NUBP1: variants seen among roughly 807,000 people sequenced by gnomAD.
NUBP1 encodes NUBP iron-sulfur cluster assembly factor 1, cytosolic, also known as cytosolic Fe-S cluster assembly factor NUBP1.
In NUBP1, 46 loss-of-function variants were observed where a neutral mutation model predicts 41.8. The observed-to-expected ratio is 1.10, with a 90% confidence interval of 0.87 to 1.41. NUBP1 has a LOEUF of 1.41. Among genes scored for constraint, NUBP1 ranks in the 40% most tolerant of loss-of-function variants. NUBP1 has a pLI of 0.00. For synonymous variants in NUBP1, 189 were observed against 154.6 expected, an observed-to-expected ratio of 1.22 and a Z score of -1.65; for missense variants, 494 against 414.0, an observed-to-expected ratio of 1.19 and a Z score of -1.68.
rs925107834 is a variant in NUBP1, at chr16:10,759,418, C to T, written c.606+1391C>T. 6.6e-6 allele frequency among the ~76,000 whole-genome samples: 1 copy of T among 152,150 alleles called. No individual in the cohort carries two copies. Among genetic ancestry groups the T allele is most frequent in the Non-Finnish European group, 1.5e-5 (1 of 68,020 alleles). Reference sequence around the variant, plus strand: ...GGACAGGAGGGAGGATGGCCTGGCCCGGGTGATGGCAGTGGAGAGAAAGTG... The same window carrying T: ...GGACAGGAGGGAGGATGGCCTGGCCTGGGTGATGGCAGTGGAGAGAAAGTG... On this transcript the variant is annotated intron_variant, in intron 7 of 10. Coordinates refer to ENST00000283027, the MANE Select transcript of NUBP1 (RefSeq NM_002484.4). This position sits in a 1 kb window ranked among gnomAD's most constrained non-coding sequence, Gnocchi z 4.7.
chr16:10,761,220 A>G, intron 7 of NUBP1, 144 bp from the exon 8 acceptor site: 1 of 635,610 alleles, frequency 1.6e-6, no homozygotes, highest in South Asian at 1.9e-5. Flanking sequence ...TTGGATGGGG[A>G]CACAGAGCCA....
chr16:10,764,201 C>G (rs912159797), intron 9 of NUBP1, among the ~76,000 whole-genome samples: 1 of 152,178 alleles, frequency 6.6e-6, no homozygotes, highest in Non-Finnish European at 1.5e-5. Context: ...CCCGAAGGAG[C>G]GTCTCAGCCC....
intron 9 of NUBP1, chr16:10,763,882 C>T: frequency 5.9e-6 from 1 of 168,672 alleles, no homozygotes. Flanking sequence ...GGAAGCATCT[C>T]AGCCCAAGGG....
At chr16:10,755,165 GA>G (rs2142708110) in intron 4 of NUBP1, among the ~76,000 whole-genome samples, 1 of 152,342 alleles carries the variant, frequency 6.6e-6, no homozygotes, top group East Asian at 1.9e-4. Flanking sequence ...AATCTGTTGA[GA>G]AAAGTAAGGC....
Position 10,744,021 on chromosome 16 carries a change from A to ACAT in NUBP1, c.81_82insATC (p.Asn27_Gln28insIle). 1 of 1,580,270 alleles carries ACAT rather than the reference A, an allele frequency of 6.3e-7. No individual in the cohort carries two copies. Among genetic ancestry groups the ACAT allele is most frequent in the Non-Finnish European group, 8.6e-7 (1 of 1,168,926 alleles). ...GGGGCTTCATGTCAGGGATGCCCCA[A>ACAT]CCAGCGGCTGTGCGCTTCTGGAGCG... On this transcript the variant is annotated inframe_insertion, in exon 2 of 11. Coordinates refer to ENST00000283027, the MANE Select transcript of NUBP1 (RefSeq NM_002484.4).
chr16:10,744,156 G>A (rs1660419925), intron 2 of NUBP1, 91 bp downstream of exon 2: 3 of 1,206,316 alleles, frequency 2.5e-6, no homozygotes, highest in Non-Finnish European at 3.4e-6. Context: ...TCTGCAGAAT[G>A]ACTGACAGCG....
At position 10,761,181 on chromosome 16, in the gene NUBP1, A is replaced by G. The variant is rs1039579775; in HGVS notation, c.607-183A>G. 5 of 528,258 alleles carry G rather than the reference A, an allele frequency of 9.5e-6. No homozygotes were observed. The African/African-American group carries it at 9.6e-5, about 10-fold the overall frequency. The allele number at this position is 528,258 out of a possible 1,614,324, so 32.7% of individuals were successfully genotyped here. On this transcript the variant is annotated intron_variant, in intron 7 of 10. Coordinates refer to ENST00000283027, the MANE Select transcript of NUBP1 (RefSeq NM_002484.4). ...TGCCTGTTCCTGTAGGGATGTAGGG[A>G]TGATGGGGATTACAGTTCGAGCTGA...
chr16:10,743,933 C>T (rs769657770), intron 1 of NUBP1, 28 bp from the exon 2 acceptor site: 1 of 1,587,376 alleles, frequency 6.3e-7, no homozygotes, highest in Admixed American at 1.9e-5. Context: ...TCGGGAGCTG[C>T]TCTAACTGTG....
chr16:10,761,822 C>CCCTCT lies in NUBP1; in HGVS notation c.788_792dup (p.Gly265SerfsTer11). 6.2e-7 allele frequency: 1 copy of CCCTCT among 1,614,132 alleles called. No homozygotes were observed. Among genetic ancestry groups the CCCTCT allele is most frequent in the African/African-American group, 1.3e-5 (1 of 75,058 alleles). On this transcript the variant is annotated frameshift_variant, in exon 9 of 11. Coordinates refer to ENST00000283027, the MANE Select transcript of NUBP1 (RefSeq NM_002484.4). LOFTEE classifies it high-confidence loss of function. ...AGCTCATGTGCCAGGACTTGGAGGT[C>CCCTCT]CCTCTCCTCGGCAGAGTGCCCCTGG...
rs151025827 is a variant in NUBP1, at chr16:10,756,305, G to C, written c.361-385G>C. Among the ~76,000 whole-genome samples, 310 of 152,236 alleles carry C rather than the reference G, an allele frequency of 2.0e-3. 1 individual carries two copies. Among genetic ancestry groups the C allele is most frequent in the African/African-American group, 7.2e-3 (300 of 41,542 alleles). ...GAGGCAGGAGAATTGCTTGAACCCG[G>C]GAGGCAGAGGCTGCAGCAAGCTGAG... On this transcript the variant is annotated intron_variant, in intron 5 of 10. Coordinates refer to ENST00000283027, the MANE Select transcript of NUBP1 (RefSeq NM_002484.4).
intron 9 of NUBP1, among the ~76,000 whole-genome samples, chr16:10,762,969 G>A (rs1327642741): frequency 1.3e-5 from 2 of 151,770 alleles, no homozygotes; most frequent in African/African-American, 4.8e-5. Context: ...AGGAGTGGCT[G>A]CCCTGGGATA....
Position 10,749,463 on chromosome 16 carries a change from GA to G in NUBP1, c.258+2189del, listed in dbSNP as rs572343205. Among the ~76,000 whole-genome samples the G allele has an allele frequency of 3.3e-5, 5 of 152,236 alleles. No homozygotes were observed. In the East Asian group the frequency reaches 9.6e-4, roughly 29 times the overall value. ...GCCTGTCTAGACTTTGCAGTATACAGAAGGAAAGCACACCATTCAGTGTGGA... is the reference window on the plus strand; with the variant it reads ...GCCTGTCTAGACTTTGCAGTATACAGAGGAAAGCACACCATTCAGTGTGGA... On this transcript the variant is annotated intron_variant, in intron 3 of 10. Coordinates refer to ENST00000283027, the MANE Select transcript of NUBP1 (RefSeq NM_002484.4). The surrounding 1 kb of genome is among the most constrained non-coding windows in gnomAD (Gnocchi z 4.1).
intron 9 of NUBP1, among the ~76,000 whole-genome samples, chr16:10,762,630 G>C (rs552741112): frequency 1.3e-5 from 2 of 152,350 alleles, no homozygotes; most frequent in East Asian, 3.9e-4. Context: ...GGTCTGAGGG[G>C]AGAACAGAGA....
Position 10,767,487 on chromosome 16 carries a change from C to T in NUBP1, c.821-462C>T. On this transcript the variant is annotated intron_variant, in intron 9 of 10. Coordinates refer to ENST00000283027, the MANE Select transcript of NUBP1 (RefSeq NM_002484.4). The surrounding 1 kb of genome is among the most constrained non-coding windows in gnomAD (Gnocchi z 4.6). Reference sequence around the variant, plus strand: ...ATGAGAGTGTGTGTATGTGTGTGCGCACACATGCAAGTGTGCACATTTATA... The same window carrying T: ...ATGAGAGTGTGTGTATGTGTGTGCGTACACATGCAAGTGTGCACATTTATA... The T allele has an allele frequency of 2.4e-6, 1 of 424,332 alleles. No individual in the cohort carries two copies. Among genetic ancestry groups the T allele is most frequent in the East Asian group, 3.4e-5 (1 of 29,238 alleles). The allele number at this position is 424,332 out of a possible 1,614,324, so 26.3% of individuals were successfully genotyped here.
chr16:10,757,727 C>CTG lies in NUBP1; in HGVS notation c.452-145_452-144dup. ...CTTATAGTCCTAGTTACTTGGGAGG[C>CTG]TGAGGTGGGAGGATTGCTTGAGCCT... On this transcript the variant is annotated intron_variant, in intron 6 of 10. Coordinates refer to ENST00000283027, the MANE Select transcript of NUBP1 (RefSeq NM_002484.4). This position sits in a 1 kb window ranked among gnomAD's most constrained non-coding sequence, Gnocchi z 4.1. 2 of 898,126 alleles carry CTG rather than the reference C, an allele frequency of 2.2e-6. No individual in the cohort carries two copies. Among genetic ancestry groups the CTG allele is most frequent in the Non-Finnish European group, 3.4e-6 (2 of 587,978 alleles). 55.6% of individuals were successfully genotyped at this position (898,126 alleles called of 1,614,324 possible).
At chr16:10,752,993 C>T (rs985814817) in intron 4 of NUBP1, among the ~76,000 whole-genome samples, 25 of 152,160 alleles carry the variant, frequency 1.6e-4, no homozygotes, top group African/African-American at 5.8e-4. Context: ...CCAGGTTTCA[C>T]TACGTTGGCC....
chr16:10,768,702 G>C lies in NUBP1; in HGVS notation c.905-345G>C, dbSNP rs995356254. 1 of 236,140 alleles carries C rather than the reference G, an allele frequency of 4.2e-6. No individual in the cohort carries two copies. The highest frequency in any genetic ancestry group is 8.1e-6 in the Non-Finnish European group (1 of 124,088). The allele number at this position is 236,140 out of a possible 1,614,324, so 14.6% of individuals were successfully genotyped here. ...AGTGGCAGCCATCAGAGGCCCCAGA[G>C]TTAGGGCAGAGGTGTCAGTGTTTGT... is the stretch of plus-strand genomic sequence containing the variant. On this transcript the variant is annotated intron_variant, in intron 10 of 10. Coordinates refer to ENST00000283027, the MANE Select transcript of NUBP1 (RefSeq NM_002484.4). This position sits in a 1 kb window ranked among gnomAD's most constrained non-coding sequence, Gnocchi z 4.3.
rs1027791820 is a variant in NUBP1 at position 10,768,342 on chromosome 16, C to A, written c.904+310C>A. ...AAAAGGCCAGGTGCAGTGGCTCACA[C>A]CTGGAATCCCAGCACTTTGGGTGAA... On this transcript the variant is annotated intron_variant, in intron 10 of 10. Coordinates refer to ENST00000283027, the MANE Select transcript of NUBP1 (RefSeq NM_002484.4). The surrounding 1 kb of genome is among the most constrained non-coding windows in gnomAD (Gnocchi z 4.3). The A allele has an allele frequency of 4.2e-5, 8 of 190,418 alleles. No homozygotes were observed. Among genetic ancestry groups the A allele is most frequent in the African/African-American group, 7.1e-5 (3 of 42,152 alleles). 11.8% of individuals were successfully genotyped at this position (190,418 alleles called of 1,614,324 possible). A position where few individuals can be genotyped will look rare whatever the true frequency, so the allele number is the denominator to read the frequency against.
chr16:10,744,102 G>A (rs771082856), intron 2 of NUBP1, 37 bp downstream of exon 2: 1 of 1,497,646 alleles, frequency 6.7e-7, no homozygotes, highest in Admixed American at 2.5e-5. Context: ...GAACTTAGAG[G>A]CGCAGGCCCG....
Sources: gnomAD v4.1 joint callset for allele counts (sites outside exome capture counted in the v4.1 genomes callset) on GRCh38, gnomAD v4.1.1 for gene constraint, Gnocchi (gnomAD v3.1) non-coding constraint, MANE v1.5 for transcripts, NCBI Gene and HGNC (gene_info 2026-07-23, HGNC 2026-07-21) for gene names.